The following CYP46A1 variants were observed in gnomAD, a reference collection of about 807,000 sequenced individuals.
CYP46A1 encodes the protein cholesterol 24-hydroxylase.
CYP46A1 carries 20 observed loss-of-function variants against 63.3 expected under a neutral mutation model. The ratio of observed to expected loss-of-function variants is 0.32; its 90% CI spans 0.22 to 0.46. The LOEUF (loss-of-function observed/expected upper bound fraction) is 0.46. Among genes scored for constraint, CYP46A1 ranks in the 20% least tolerant of loss-of-function variants. CYP46A1 has a pLI of 1.00. For missense variants in CYP46A1, 445 were observed against 670.8 expected (o/e 0.66, Z 3.72); for synonymous variants, 268 against 273.6 (o/e 0.98, Z 0.20).
chr14:99,691,646 A>G, intron 2 of CYP46A1, 134 bp from the exon 3 acceptor site: 2 of 795,000 alleles, frequency 2.5e-6, no homozygotes, highest in Admixed American at 2.2e-5. Context: ...CCTGGGCCCC[A>G]GGACAGCACT....
At position 99,684,502 on chromosome 14, in the gene CYP46A1, C is replaced by G. The variant is rs1296432582; in HGVS notation, c.85C>G (p.Arg29Gly). 6.8e-7 allele frequency: 1 copy of G among 1,478,374 alleles called. No individual in the cohort carries two copies. The highest frequency in any genetic ancestry group is 8.9e-7 in the Non-Finnish European group (1 of 1,120,456). 91.6% of individuals were successfully genotyped at this position (1,478,374 alleles called of 1,614,324 possible). Residue 29 changes from arginine to glycine, a missense_variant, in exon 1 of 15, where the codon CGC (arginine) becomes GGC (glycine). Around this residue, in one of 4 missense-constraint regions of CYP46A1, gnomAD observed 252 missense variants for 383.3 expected, o/e 0.66. Transcript: ENST00000261835. ...CACCTTCGTGCACCGCGCTCGCAGC[C>G]GCTACGAGCACATCCCCGGGCCGCC... ...CCTFVHRARSRYEHIPGPPRP... is the reference protein window; with the variant it reads ...CCTFVHRARSGYEHIPGPPRP...
At chr14:99,721,417 A>C in intron 11 of CYP46A1, 94 bp downstream of exon 11, 1 of 903,124 alleles carries the variant, frequency 1.1e-6, no homozygotes, top group Admixed American at 1.9e-5. Flanking sequence ...AGTGGTTCTC[A>C]AACTTTGCTG....
chr14:99,710,321 C>A (rs530632104), intron 7 of CYP46A1: 27 of 152,180 alleles, frequency 1.8e-4, no homozygotes, highest in African/African-American at 6.5e-4. Context: ...TAGAGTAAGT[C>A]CTTACCTATC....
chr14:99,700,086 T>C lies in CYP46A1; in HGVS notation c.428T>C (p.Leu143Pro). The change falls in exon 5 of 15, where the codon CTG becomes CCG. Residue 143 changes from leucine to proline, a missense_variant. By Grantham distance (98) the Leu-to-Pro change is moderately conservative. This residue lies in a region of CYP46A1 where 252 missense variants were observed against 383.3 expected (regional missense o/e 0.66). Coordinates refer to ENST00000261835, the MANE Select transcript of CYP46A1 (RefSeq NM_006668.2). The part of the protein sequence containing the change: ...RWHKQRRVID[L>P]AFSRSSLVSL... The stretch of plus-strand genomic sequence containing the variant: ...CACAAGCAGCGGAGAGTCATAGACC[T>C]GGCCTTCAGCCGGAGGTGAGTGTGG... 1.9e-6 allele frequency: 3 copies of C among 1,594,184 alleles called. No individual in the cohort carries two copies. Among genetic ancestry groups the C allele is most frequent in the Non-Finnish European group, 2.6e-6 (3 of 1,167,088 alleles).
At chr14:99,716,391 C>T (rs1003699209) in intron 9 of CYP46A1, among the ~76,000 whole-genome samples, 192 bp downstream of exon 9, 1 of 152,214 alleles carries the variant, frequency 6.6e-6, no homozygotes, top group Non-Finnish European at 1.5e-5. Flanking sequence ...CCTGGTAATG[C>T]AGCTGGCAAT....
chr14:99,712,843 CT>C (rs1414760091), intron 7 of CYP46A1: 1 of 138,898 alleles, frequency 7.2e-6, no homozygotes, highest in East Asian at 2.0e-4. Context: ...GCCAAAGCAA[CT>C]CTGAGCAAAA....
chr14:99,701,294 C>T (rs1049467566), intron 5 of CYP46A1, among the ~76,000 whole-genome samples: 1 of 152,194 alleles, frequency 6.6e-6, no homozygotes, highest in Non-Finnish European at 1.5e-5. Flanking sequence ...ACTCACCACT[C>T]ACTCACTGAC....
intron 11 of CYP46A1, 140 bp from the exon 12 acceptor site, chr14:99,721,816 G>A: frequency 1.7e-6 from 1 of 590,062 alleles, no homozygotes; most frequent in Non-Finnish European, 3.0e-6. Flanking sequence ...GATGTCCCAG[G>A]GGCCTGGGAC....
At chr14:99,711,510 TAAC>T (rs1485038779) in intron 7 of CYP46A1, 2 of 151,866 alleles carry the variant, frequency 1.3e-5, no homozygotes, top group African/African-American at 4.8e-5. Context: ...CACTATACAC[TAAC>T]GATTGGAAAA....
At chr14:99,692,053 C>T (rs1210291720) in intron 3 of CYP46A1, among the ~76,000 whole-genome samples, 192 bp downstream of exon 3, 1 of 152,072 alleles carries the variant, frequency 6.6e-6, no homozygotes, top group African/African-American at 2.4e-5. Flanking sequence ...GCAAGCATTG[C>T]CTTTTGATGT....
At chr14:99,693,374 C>T (rs2056560081) in intron 3 of CYP46A1, among the ~76,000 whole-genome samples, 1 of 152,218 alleles carries the variant, frequency 6.6e-6, no homozygotes, top group South Asian at 2.1e-4. Context: ...TACCAAAAAC[C>T]ATGCACAAAG....
At chr14:99,701,593 A>G (rs1034380923) in intron 5 of CYP46A1, among the ~76,000 whole-genome samples, 1 of 152,200 alleles carries the variant, frequency 6.6e-6, no homozygotes, top group Admixed American at 6.5e-5. Flanking sequence ...ATTTCTTAGA[A>G]TGTATCCTTG....
chr14:99,715,400 C>T (rs1162025684), intron 7 of CYP46A1, among the ~76,000 whole-genome samples: 1 of 152,230 alleles, frequency 6.6e-6, no homozygotes, highest in Non-Finnish European at 1.5e-5. Context: ...AGGGCCCCCT[C>T]CCGTTCCCTG....
At position 99,722,815 on chromosome 14, in the gene CYP46A1, T is replaced by C; in HGVS notation, c.1176+749T>C. 1 of 414,194 alleles carries C rather than the reference T, an allele frequency of 2.4e-6. No homozygotes were observed. The highest frequency in any genetic ancestry group is 1.7e-5 in the South Asian group (1 of 59,944). 25.7% of individuals were successfully genotyped at this position (414,194 alleles called of 1,614,324 possible). A position where few individuals can be genotyped will look rare whatever the true frequency, so the allele number is the denominator to read the frequency against. On this transcript the variant is annotated intron_variant, in intron 12 of 14. Transcript: ENST00000261835. This position sits in a 1 kb window ranked among gnomAD's most constrained non-coding sequence, Gnocchi z 4.6. ...CTGATCAGTTCTCAGGTGACAGGCATTTGAGAGGTGTCCAGTTTGTCCCTA... is the reference window on the plus strand; with the variant it reads ...CTGATCAGTTCTCAGGTGACAGGCACTTGAGAGGTGTCCAGTTTGTCCCTA...
At chr14:99,701,288 A>C (rs1300394130) in intron 5 of CYP46A1, among the ~76,000 whole-genome samples, 3 of 152,200 alleles carry the variant, frequency 2.0e-5, no homozygotes, top group Non-Finnish European at 4.4e-5. Context: ...CTTCACACTC[A>C]CCACTCACTC....
chr14:99,716,076 A>C, intron 8 of CYP46A1, 61 bp from the exon 9 acceptor site: 1 of 1,611,778 alleles, frequency 6.2e-7, no homozygotes. Context: ...TAGTTATTTT[A>C]TGAGCCATGG....
chr14:99,698,105 T>C (rs1170318551), intron 3 of CYP46A1, among the ~76,000 whole-genome samples: 1 of 151,996 alleles, frequency 6.6e-6, no homozygotes, highest in Non-Finnish European at 1.5e-5. Flanking sequence ...GAAAAATCGA[T>C]ATTAAACCCC....
intron 2 of CYP46A1, 136 bp from the exon 3 acceptor site, chr14:99,691,644 C>T (rs1327387807): frequency 1.3e-5 from 10 of 789,448 alleles, no homozygotes; most frequent in Non-Finnish European, 1.9e-5. Context: ...CTCCTGGGCC[C>T]CAGGACAGCA....
chr14:99,700,120 T>G lies in CYP46A1; in HGVS notation c.443+19T>G, dbSNP rs2056618204. The G allele has an allele frequency of 2.5e-6, 4 of 1,574,184 alleles. No individual in the cohort carries two copies. In the South Asian group the frequency reaches 3.4e-5, roughly 13 times the overall value. On this transcript the variant is annotated intron_variant, in intron 5 of 14. Coordinates refer to ENST00000261835, the MANE Select transcript of CYP46A1 (RefSeq NM_006668.2). ...GCCGGAGGTGAGTGTGGCCGGAGGC[T>G]CCGTGGCTCCTGCCTGGCCAGAGGC...
Sources: allele counts gnomAD v4.1 joint callset (sites outside exome capture counted in the v4.1 genomes callset), GRCh38; gene constraint gnomAD v4.1.1; regional missense constraint gnomAD v4.1.1; non-coding constraint Gnocchi (gnomAD v3.1); transcripts MANE v1.5; gene names NCBI Gene and HGNC (gene_info 2026-07-23, HGNC 2026-07-21).